DIAPH2: variants seen among roughly 807,000 people sequenced by gnomAD.
DIAPH2 encodes the protein diaphanous related formin 2, also known as protein diaphanous homolog 2.
DIAPH2 carries 35 observed loss-of-function variants against 92.7 expected under a neutral mutation model. The observed-to-expected ratio is 0.38, with a 90% CI of 0.29 to 0.50. The LOEUF (loss-of-function observed/expected upper bound fraction) is 0.50, where lower values mean the gene tolerates loss of function less well. DIAPH2 is among the 20% of genes least tolerant of loss of function. DIAPH2 has a pLI of 0.94. For synonymous variants in DIAPH2, 301 were observed against 280.4 expected, an observed-to-expected ratio of 1.07 and a Z score of -0.73; for missense variants, 701 against 819.5, an observed-to-expected ratio of 0.86 and a Z score of 1.77.
intron 24 of DIAPH2, among the ~76,000 whole-genome samples, chrX:97,354,822 A>G (rs1953473138): frequency 8.9e-6 from 1 of 112,867 alleles, no homozygotes; most frequent in Admixed American, 9.4e-5. Context: ...ACTTCTGGAA[A>G]GTAGAAGCAG....
At chrX:97,220,681 A>T (rs1197565430) in intron 22 of DIAPH2, among the ~76,000 whole-genome samples, 1 of 111,846 alleles carries the variant, frequency 8.9e-6, no homozygotes, top group Non-Finnish European at 1.9e-5. Context: ...ATGTCCTAAC[A>T]TGCTGTGCCA....
In DIAPH2 at chrX:97,427,751, G is replaced by A. The variant is rs186177478; in HGVS notation, c.3146-1899G>A. On this transcript the variant is annotated intron_variant, in intron 25 of 26. Coordinates refer to ENST00000324765, the MANE Select transcript of DIAPH2 (RefSeq NM_006729.5). Reference sequence around the variant, plus strand: ...GCTGGAGTGCAGTGGTACAATCTCAGCTCACTGTAACCTCTGGCTCCCGGG... The same window carrying A: ...GCTGGAGTGCAGTGGTACAATCTCAACTCACTGTAACCTCTGGCTCCCGGG... Among the ~76,000 whole-genome samples the A allele has an allele frequency of 8.5e-4, 94 of 110,798 alleles. 2 individuals are homozygous for A. In the Middle Eastern group the frequency reaches 0.023, roughly 27 times the overall value.
At chrX:97,169,355 A>G (rs1033907102) in intron 22 of DIAPH2, among the ~76,000 whole-genome samples, 4 of 111,441 alleles carry the variant, frequency 3.6e-5, no homozygotes, top group Non-Finnish European at 7.5e-5. Context: ...TTACTTTGAG[A>G]TGGTAAGGCG....
chrX:97,357,471 C>T (rs1018073897), intron 24 of DIAPH2, among the ~76,000 whole-genome samples: 1 of 106,259 alleles, frequency 9.4e-6, no homozygotes, highest in Non-Finnish European at 1.9e-5. Context: ...TCTTCTCCCC[C>T]CTCCTTCCAG....
At chrX:97,562,617 G>C (rs1319588890) in intron 26 of DIAPH2, among the ~76,000 whole-genome samples, 2 of 111,658 alleles carry the variant, frequency 1.8e-5, no homozygotes, top group African/African-American at 3.3e-5. Context: ...TGAGCCTAAA[G>C]CTTCTCTGAG....
At chrX:96,705,903 A>G (rs1016057292) in intron 1 of DIAPH2, among the ~76,000 whole-genome samples, 2 of 112,244 alleles carry the variant, frequency 1.8e-5, no homozygotes, top group African/African-American at 3.2e-5. Flanking sequence ...AGCTGCCTGC[A>G]TGATTTTGTA....
intron 17 of DIAPH2, among the ~76,000 whole-genome samples, chrX:97,064,561 G>C (rs1323115961): frequency 9.1e-6 from 1 of 109,631 alleles, no homozygotes; most frequent in African/African-American, 3.3e-5. Context: ...ATCTTCCCCT[G>C]CAACCATAAA....
intron 22 of DIAPH2, among the ~76,000 whole-genome samples, chrX:97,176,564 G>C (rs1290417279): frequency 9.0e-6 from 1 of 110,826 alleles, no homozygotes; most frequent in Non-Finnish European, 1.9e-5. Context: ...GTCTTGCTTT[G>C]TCGCCCAGGC....
intron 23 of DIAPH2, among the ~76,000 whole-genome samples, chrX:97,342,410 A>T (rs2069120152): frequency 1.8e-5 from 2 of 112,194 alleles, no homozygotes; most frequent in South Asian, 7.3e-4. Flanking sequence ...CACTCAGTTT[A>T]TTTCCATTTT....
At chrX:97,010,202 C>T (rs1268122882) in intron 17 of DIAPH2, among the ~76,000 whole-genome samples, 1 of 111,591 alleles carries the variant, frequency 9.0e-6, no homozygotes, top group Non-Finnish European at 1.9e-5. Flanking sequence ...CCCCATATTG[C>T]TTTCTGCTAT....
intron 22 of DIAPH2, among the ~76,000 whole-genome samples, chrX:97,171,723 A>G (rs1401173579): frequency 1.8e-5 from 2 of 111,720 alleles, no homozygotes; most frequent in African/African-American, 6.5e-5. Flanking sequence ...GGCGGATCAC[A>G]AGGTCAGGAG....
intron 24 of DIAPH2, among the ~76,000 whole-genome samples, chrX:97,368,880 C>G (rs1157013958): frequency 9.6e-6 from 1 of 104,412 alleles, no homozygotes; most frequent in Admixed American, 1.1e-4. Context: ...GCAAACTAAA[C>G]CAACAGAGTC....
intron 22 of DIAPH2, among the ~76,000 whole-genome samples, chrX:97,208,365 A>G (rs1377780336): frequency 9.8e-5 from 11 of 112,127 alleles, no homozygotes; most frequent in African/African-American, 3.6e-4. Flanking sequence ...TTATATATTC[A>G]CCTACCTGAA....
rs184988786 is a variant in DIAPH2 at position 96,806,520 on chromosome X, C to A, written c.447+48262C>A. ...AATTAGCTGGGAGTGGTGGCGCATG[C>A]CTGTAATCTCAGCTACTTGGGAGGC... On this transcript the variant is annotated intron_variant, in intron 4 of 26. Transcript: ENST00000324765. Among the ~76,000 whole-genome samples, 707 of 105,275 alleles carry A rather than the reference C, an allele frequency of 6.7e-3. 6 individuals carry two copies. Among genetic ancestry groups the A allele is most frequent in the African/African-American group, 0.024 (686 of 28,869 alleles). 91.4% of individuals were successfully genotyped at this position (105,275 alleles called of 115,157 possible).
intron 23 of DIAPH2, among the ~76,000 whole-genome samples, chrX:97,294,212 T>C (rs977340801): frequency 1.8e-5 from 2 of 112,144 alleles, no homozygotes; most frequent in Non-Finnish European, 3.8e-5. Flanking sequence ...CTTTCACCCA[T>C]AAATTATCTG....
At chrX:96,846,401 G>A (rs1381217346) in intron 4 of DIAPH2, among the ~76,000 whole-genome samples, 4 of 111,781 alleles carry the variant, frequency 3.6e-5, no homozygotes, top group Non-Finnish European at 7.5e-5. Context: ...CCCCCACTTG[G>A]CCTCCCAAAG....
At chrX:97,159,691 C>G (rs1342738513) in intron 22 of DIAPH2, among the ~76,000 whole-genome samples, 1 of 111,657 alleles carries the variant, frequency 9.0e-6, no homozygotes, top group Non-Finnish European at 1.9e-5. Context: ...AAATGAAAAT[C>G]GGTTTCTTTT....
At chrX:97,210,477 A>G (rs1306330373) in intron 22 of DIAPH2, among the ~76,000 whole-genome samples, 2 of 111,894 alleles carry the variant, frequency 1.8e-5, no homozygotes, top group Non-Finnish European at 3.8e-5. Context: ...CTCCATTTAA[A>G]AAATGTATTC....
intron 24 of DIAPH2, among the ~76,000 whole-genome samples, chrX:97,360,471 A>T: frequency 9.1e-6 from 1 of 109,689 alleles, no homozygotes; most frequent in Admixed American, 9.8e-5. Context: ...AAAAAAAAAA[A>T]AAATTAGGTG....
Sources: allele counts gnomAD v4.1 joint callset (sites outside exome capture counted in the v4.1 genomes callset), GRCh38; gene constraint gnomAD v4.1.1; transcripts MANE v1.5; gene names NCBI Gene and HGNC (gene_info 2026-07-23, HGNC 2026-07-21).